The following EHF variants were observed in gnomAD, a reference collection of about 807,000 sequenced individuals.
The protein encoded by EHF is ESE3 transcription factor.
EHF carries 14 observed loss-of-function variants against 45.1 expected under a neutral mutation model. That is an observed-to-expected ratio of 0.31 (90% CI 0.21 to 0.49). The LOEUF (loss-of-function observed/expected upper bound fraction) is 0.49. EHF is among the 20% of genes least tolerant of loss of function. The probability of loss-of-function intolerance (pLI) is 0.99; values close to 1 mark genes in which losing one functional copy is unlikely to be tolerated. For missense variants in EHF, 282 were observed against 371.4 expected, an observed-to-expected ratio of 0.76 and a Z score of 1.98; for synonymous variants, 136 against 131.8, an observed-to-expected ratio of 1.03 and a Z score of -0.22.
chr11:34,651,918 A>G (rs146429862), intron 6 of EHF, 113 bp downstream of exon 6: 1 of 1,054,618 alleles, frequency 9.5e-7, no homozygotes, highest in African/African-American at 1.6e-5. Context: ...TTAAAGGGCT[A>G]GGAAAGGGAT....
At chr11:34,625,820 A>G (rs1269004522) in intron 1 of EHF, among the ~76,000 whole-genome samples, 1 of 151,256 alleles carries the variant, frequency 6.6e-6, no homozygotes, top group Non-Finnish European at 1.5e-5. Context: ...CTCCTCCTCC[A>G]ATCTCACCAC....
chr11:34,662,363 C>T lies in EHF; in HGVS notation c.*3432C>T, dbSNP rs1006957213. Among the ~76,000 whole-genome samples the T allele has an allele frequency of 1.3e-5, 2 of 151,944 alleles. No individual in the cohort carries two copies. Among genetic ancestry groups the T allele is most frequent in the African/African-American group, 2.4e-5 (1 of 41,372 alleles). ...GCCTTCTACTTGCGCTGAAATGAAA[C>T]CAAAACAGGCCGTTGGGTTCCACAA... On this transcript the variant is annotated 3_prime_UTR_variant, in exon 9 of 9. Coordinates refer to ENST00000257831, the MANE Select transcript of EHF (RefSeq NM_012153.6).
At chr11:34,642,204 C>T (rs1854069761) in intron 1 of EHF, 1 of 176,348 alleles carries the variant, frequency 5.7e-6, no homozygotes, top group Admixed American at 5.6e-5. Context: ...GGTGCTGGGG[C>T]TGTGCTGCCA....
intron 2 of EHF, among the ~76,000 whole-genome samples, chr11:34,645,558 A>G (rs1231899640): frequency 6.6e-6 from 1 of 152,240 alleles, no homozygotes; most frequent in Non-Finnish European, 1.5e-5. Flanking sequence ...TGTACAGAAA[A>G]GCAGAACATG....
rs1856081361 is a variant in EHF, at chr11:34,661,476, T to A, written c.*2545T>A. Among the ~76,000 whole-genome samples the A allele has an allele frequency of 6.6e-6, 1 of 152,182 alleles. No homozygotes were observed. The highest frequency in any genetic ancestry group is 1.5e-5 in the Non-Finnish European group (1 of 68,006). On this transcript the variant is annotated 3_prime_UTR_variant, in exon 9 of 9. Coordinates refer to ENST00000257831, the MANE Select transcript of EHF (RefSeq NM_012153.6). ...GTAAGTGAATGTGAAGAGTACCAAC[T>A]ACAACAATTCTACAGATAATTAGTG...
At chr11:34,628,836 G>A (rs956887053) in intron 1 of EHF, among the ~76,000 whole-genome samples, 16 of 152,200 alleles carry the variant, frequency 1.1e-4, no homozygotes, top group African/African-American at 3.1e-4. Context: ...GATGGCTGAT[G>A]TCACGAGTGT....
intron 1 of EHF, among the ~76,000 whole-genome samples, chr11:34,639,452 C>A (rs1030003512): frequency 6.6e-6 from 1 of 152,176 alleles, no homozygotes; most frequent in African/African-American, 2.4e-5. Flanking sequence ...CATTTGTTAT[C>A]CACGATCTCA....
chr11:34,646,374 C>G (rs1854535656), intron 2 of EHF, 65 bp from the exon 3 acceptor site: 1 of 1,601,096 alleles, frequency 6.2e-7, no homozygotes, highest in Admixed American at 1.7e-5. Context: ...CAGTACATCC[C>G]TGTGTCAGAT....
intron 2 of EHF, among the ~76,000 whole-genome samples, chr11:34,645,535 G>A (rs1468653569): frequency 6.6e-6 from 1 of 152,148 alleles, no homozygotes; most frequent in Non-Finnish European, 1.5e-5. Flanking sequence ...GAATAAGACG[G>A]CACTTAGAGA....
Position 34,646,665 on chromosome 11 carries a change from G to C in EHF, c.324G>C (p.Leu108Phe). 1 of 1,611,858 alleles carries C rather than the reference G, an allele frequency of 6.2e-7. No homozygotes were observed. The highest frequency in any genetic ancestry group is 8.5e-7 in the Non-Finnish European group (1 of 1,179,984). ...GTAGQLLYSN[L>F]QHLKWNGQCS... ...CGGGGCAGCTCCTCTACAGCAACTTGCAGCATCTGAAGTGGAACGGTGACT... is the reference window on the plus strand; with the variant it reads ...CGGGGCAGCTCCTCTACAGCAACTTCCAGCATCTGAAGTGGAACGGTGACT... The change falls in exon 3 of 9, where the codon TTG (leucine) becomes TTC (phenylalanine). Residue 108 changes from leucine to phenylalanine, a missense_variant. Around this residue, in one of 3 missense-constraint regions of EHF, gnomAD observed 213 missense variants for 247.3 expected, o/e 0.86. Coordinates refer to ENST00000257831, the MANE Select transcript of EHF (RefSeq NM_012153.6).
At chr11:34,645,319 C>CTGAATGTACCATCTTG (rs1195624519) in intron 2 of EHF, among the ~76,000 whole-genome samples, 15 of 152,156 alleles carry the variant, frequency 9.9e-5, no homozygotes, top group African/African-American at 3.4e-4. Flanking sequence ...TCATTGGCAT[C>CTGAATGTACCATCTTG]TGAATGTACC....
At chr11:34,654,538 G>A (rs747153305) in intron 6 of EHF, among the ~76,000 whole-genome samples, 2 of 152,152 alleles carry the variant, frequency 1.3e-5, no homozygotes, top group African/African-American at 4.8e-5. Flanking sequence ...ATGATGGAAA[G>A]ATTTTTATTT....
chr11:34,659,578 A>T lies in EHF; in HGVS notation c.*647A>T, dbSNP rs1855958905. The stretch of plus-strand genomic sequence containing the variant: ...GAATAATGGTGGGGTCTTTATACTC[A>T]TTCAGGAATGGTTTATCTGATGCCA... On this transcript the variant is annotated 3_prime_UTR_variant, in exon 9 of 9. Coordinates refer to ENST00000257831, the MANE Select transcript of EHF (RefSeq NM_012153.6). 1 of 152,206 alleles carries T rather than the reference A, an allele frequency of 6.6e-6. No individual in the cohort carries two copies. The allele number at this position is 152,206 out of a possible 1,614,324, so 9.4% of individuals were successfully genotyped here. A position where few individuals can be genotyped will look rare whatever the true frequency, so the allele number is the denominator to read the frequency against.
At chr11:34,649,811 G>A (rs1262592209) in intron 4 of EHF, among the ~76,000 whole-genome samples, 8 of 152,136 alleles carry the variant, frequency 5.3e-5, no homozygotes, top group Non-Finnish European at 1.2e-4. Context: ...TGGGAGCCAC[G>A]TGGGCCAACC....
In EHF at chr11:34,662,961, T is replaced by TA. The variant is rs895968357; in HGVS notation, c.*4038dup. ...CTGGAACTAGAGATAGAGCATTTAT[T>TA]AAAAAAAACTCCTGTTGAGACTGTG... On this transcript the variant is annotated 3_prime_UTR_variant, in exon 9 of 9. Transcript: ENST00000257831. Among the ~76,000 whole-genome samples the TA allele has an allele frequency of 9.9e-5, 15 of 152,062 alleles. No homozygotes were observed. The East Asian group carries it at 1.2e-3, about 12-fold the overall frequency.
At chr11:34,645,608 T>C (rs974099370) in intron 2 of EHF, among the ~76,000 whole-genome samples, 2 of 152,002 alleles carry the variant, frequency 1.3e-5, no homozygotes, top group Non-Finnish European at 2.9e-5. Flanking sequence ...TCCTGGAGGG[T>C]AAGAGGACAG....
rs1283246564 is a variant in EHF at position 34,643,065 on chromosome 11, GGTAT to G, written c.97+341_97+344del. Among the ~76,000 whole-genome samples the G allele has an allele frequency of 5.5e-3, 793 of 145,018 alleles. 4 individuals are homozygous for G. Among genetic ancestry groups the G allele is most frequent in the African/African-American group, 0.02 (726 of 36,910 alleles). ...TATCAAGATAGGCTAGGAGAGAAAG[GGTAT>G]GTGTGTGTGTGTGTGTGTGTGTGTG... On this transcript the variant is annotated intron_variant, in intron 2 of 8. Transcript: ENST00000257831.
intron 1 of EHF, among the ~76,000 whole-genome samples, chr11:34,629,196 C>A (rs1464203974): frequency 6.6e-6 from 1 of 152,194 alleles, no homozygotes; most frequent in Non-Finnish European, 1.5e-5. Flanking sequence ...AGCTCCAAAG[C>A]TTTCCTCCAA....
At chr11:34,623,652 G>A (rs143876016) in intron 1 of EHF, among the ~76,000 whole-genome samples, 2 of 152,356 alleles carry the variant, frequency 1.3e-5, no homozygotes, top group African/African-American at 4.8e-5. Context: ...ACTGGAAGGA[G>A]CTCCTATCGG....
Sources: gnomAD v4.1 joint callset for allele counts (sites outside exome capture counted in the v4.1 genomes callset) on GRCh38, gnomAD v4.1.1 for gene constraint, gnomAD v4.1.1 regional missense constraint, MANE v1.5 for transcripts, NCBI Gene and HGNC (gene_info 2026-07-23, HGNC 2026-07-21) for gene names.